Variants in DLC1 observed in about 807,000 individuals in gnomAD.
DLC1 encodes the protein rho GTPase-activating protein 7.
In DLC1, 54 loss-of-function variants were observed where a neutral mutation model predicts 140.3. That is an observed-to-expected ratio of 0.38 (90% CI 0.31 to 0.48). The LOEUF (loss-of-function observed/expected upper bound fraction) is 0.48. Ranked by LOEUF, DLC1 falls within the 20% of genes least tolerant of loss-of-function variation. The pLI, the probability that DLC1 is intolerant of heterozygous loss-of-function variation, is 0.96. For missense variants in DLC1, 2,536 were observed against 1,907.0 expected (o/e 1.33, Z -6.14); for synonymous variants, 986 against 728.1 (o/e 1.35, Z -5.70).
At chr8:13,314,925 A>T (rs1412100939) in intron 4 of DLC1, among the ~76,000 whole-genome samples, 1 of 152,318 alleles carries the variant, frequency 6.6e-6, no homozygotes, top group Middle Eastern at 3.4e-3. Flanking sequence ...GATATATATT[A>T]TGCGTGGTCT....
chr8:13,109,955 T>C (rs999417820), intron 7 of DLC1, among the ~76,000 whole-genome samples: 2 of 152,154 alleles, frequency 1.3e-5, no homozygotes, highest in Non-Finnish European at 2.9e-5. Flanking sequence ...AAATAATACT[T>C]AGTTTCATAA....
At chr8:13,184,661 A>T (rs1256558500) in intron 5 of DLC1, among the ~76,000 whole-genome samples, 3 of 152,260 alleles carry the variant, frequency 2.0e-5, no homozygotes, top group East Asian at 3.9e-4. Context: ...GTGGTCTGAG[A>T]GACAGTTTGT....
chr8:13,289,566 A>G (rs2117455245), intron 5 of DLC1, among the ~76,000 whole-genome samples: 1 of 152,292 alleles, frequency 6.6e-6, no homozygotes, highest in East Asian at 1.9e-4. Context: ...CCTGGCCTCA[A>G]GCAATCCTCC....
At chr8:13,161,351 T>A (rs1322019668) in intron 5 of DLC1, among the ~76,000 whole-genome samples, 6 of 152,134 alleles carry the variant, frequency 3.9e-5, no homozygotes, top group Non-Finnish European at 1.5e-5. Flanking sequence ...TGTTTTGTTT[T>A]GTTTGAGACA....
At chr8:13,105,382 G>A (rs1477375651) in intron 7 of DLC1, among the ~76,000 whole-genome samples, 1 of 152,042 alleles carries the variant, frequency 6.6e-6, no homozygotes, top group Non-Finnish European at 1.5e-5. Flanking sequence ...CTACACAAAC[G>A]AGGCCTACTG....
intron 5 of DLC1, among the ~76,000 whole-genome samples, chr8:13,234,511 G>T (rs1291875647): frequency 1.3e-5 from 2 of 152,044 alleles, no homozygotes; most frequent in African/African-American, 2.4e-5. Flanking sequence ...TTAAGACAAT[G>T]CACTTAGCCT....
chr8:13,399,104 C>G (rs1324606942), intron 3 of DLC1, among the ~76,000 whole-genome samples: 1 of 152,150 alleles, frequency 6.6e-6, no homozygotes, highest in East Asian at 1.9e-4. Flanking sequence ...GTCTGAACTT[C>G]CCTACGGTAT....
intron 4 of DLC1, among the ~76,000 whole-genome samples, chr8:13,345,064 C>G (rs913027535): frequency 3.9e-5 from 6 of 152,078 alleles, no homozygotes; most frequent in Non-Finnish European, 8.8e-5. Context: ...GGGTGAGTCC[C>G]TTCCCTGGCC....
chr8:13,237,911 A>G (rs1191649304), intron 5 of DLC1, among the ~76,000 whole-genome samples: 1 of 152,190 alleles, frequency 6.6e-6, no homozygotes, highest in Non-Finnish European at 1.5e-5. Context: ...AAGAAAAGAA[A>G]GAAAGAAGGA....
chr8:13,088,404 C>A, intron 16 of DLC1, 83 bp downstream of exon 16: 1 of 1,460,790 alleles, frequency 6.8e-7, no homozygotes, highest in South Asian at 1.3e-5. Context: ...ATAATTATAC[C>A]ATCTTGTAAG....
chr8:13,307,782 C>A (rs772585861), intron 4 of DLC1, among the ~76,000 whole-genome samples: 3 of 152,100 alleles, frequency 2.0e-5, no homozygotes, highest in Non-Finnish European at 4.4e-5. Flanking sequence ...TTTAGAACAC[C>A]CTGTAAAATC....
intron 2 of DLC1, chr8:13,498,813 A>T: frequency 2.4e-6 from 1 of 423,334 alleles, no homozygotes; most frequent in Non-Finnish European, 4.0e-6. Context: ...CACAATTCTG[A>T]AATAGAATAT....
At chr8:13,233,994 A>T (rs1157849788) in intron 5 of DLC1, among the ~76,000 whole-genome samples, 2 of 152,194 alleles carry the variant, frequency 1.3e-5, no homozygotes, top group Admixed American at 6.5e-5. Flanking sequence ...TTCAATGTTT[A>T]TCTTTTTTCT....
chr8:13,214,886 C>T, intron 5 of DLC1: 3 of 688,888 alleles, frequency 4.4e-6, no homozygotes, highest in Non-Finnish European at 5.3e-6. Flanking sequence ...TTTGTAAGCG[C>T]CTTGCTCCAT....
At chr8:13,505,669 A>T (rs11203496) in intron 1 of DLC1, among the ~76,000 whole-genome samples, 18,552 of 152,040 alleles carry the variant, frequency 0.12, 1,678 homozygotes, top group East Asian at 0.38. Context: ...TCATGTACGT[A>T]GCAAAGAAAA....
chr8:13,393,940 G>T (rs1030833552), intron 3 of DLC1, among the ~76,000 whole-genome samples: 1 of 152,204 alleles, frequency 6.6e-6, no homozygotes, highest in Non-Finnish European at 1.5e-5. Context: ...TTTAACAGCT[G>T]AGTGTGCATT....
chr8:13,324,725 A>C (rs994871583), intron 4 of DLC1, among the ~76,000 whole-genome samples: 3 of 152,214 alleles, frequency 2.0e-5, no homozygotes, highest in Non-Finnish European at 4.4e-5. Context: ...AATTTAAGTT[A>C]CTTTTTAAGA....
At chr8:13,162,804 G>C (rs1049817383) in intron 5 of DLC1, among the ~76,000 whole-genome samples, 1 of 152,078 alleles carries the variant, frequency 6.6e-6, no homozygotes, top group Non-Finnish European at 1.5e-5. Context: ...AAAAAAGCCC[G>C]GTGTGGTGTC....
intron 1 of DLC1, among the ~76,000 whole-genome samples, chr8:13,599,119 G>GA (rs1417711850): frequency 1.3e-5 from 2 of 151,608 alleles, no homozygotes; most frequent in South Asian, 2.1e-4. Flanking sequence ...CATTCTGATT[G>GA]AAAAAACGTC....
Sources: gnomAD v4.1 joint callset for allele counts (sites outside exome capture counted in the v4.1 genomes callset) on GRCh38, gnomAD v4.1.1 for gene constraint, MANE v1.5 for transcripts, NCBI Gene and HGNC (gene_info 2026-07-23, HGNC 2026-07-21) for gene names.